The following PUDP variants were observed in gnomAD, a reference collection of about 807,000 sequenced individuals.
PUDP encodes the protein pseudouridine 5'-phosphatase.
PUDP carries 8 observed loss-of-function variants against 9.4 expected under a neutral mutation model. The ratio of observed to expected loss-of-function variants is 0.85; its 90% CI spans 0.50 to 1.53. PUDP has a LOEUF of 1.53. Ranked by LOEUF, PUDP falls within the 40% of genes most tolerant of loss-of-function variation. The probability of loss-of-function intolerance (pLI) is 0.00; values close to 1 mark genes in which losing one functional copy is unlikely to be tolerated. For synonymous variants in PUDP, 99 were observed against 80.7 expected (o/e 1.23, Z -1.22); for missense variants, 188 against 189.7 (o/e 0.99, Z 0.05).
At chrX:7,136,411 G>A (rs1932743346) in intron 1 of PUDP, among the ~76,000 whole-genome samples, 1 of 111,902 alleles carries the variant, frequency 8.9e-6, no homozygotes, top group African/African-American at 3.2e-5. Flanking sequence ...ATGGCACTGC[G>A]GGCACCTTCG....
chrX:6,822,029 G>A (rs1276302512), intron 3 of PUDP, among the ~76,000 whole-genome samples: 1 of 111,603 alleles, frequency 9.0e-6, no homozygotes, highest in East Asian at 2.8e-4. Context: ...CTATAAAACT[G>A]CCTGCATTTC....
chrX:6,880,847 C>T (rs2146739635), intron 3 of PUDP, among the ~76,000 whole-genome samples: 1 of 112,061 alleles, frequency 8.9e-6, no homozygotes, highest in East Asian at 2.8e-4. Flanking sequence ...TTTATTTATT[C>T]AATAATTTAA....
chrX:6,720,254 G>GTA (rs1403562241), intron 1 of PUDP, among the ~76,000 whole-genome samples: 1,646 of 38,971 alleles, frequency 0.042, 27 homozygotes, highest in Middle Eastern at 0.053. Flanking sequence ...ATGTGTGTGT[G>GTA]TGTGTATATA....
chrX:6,994,787 T>C (rs1050113747), intron 1 of PUDP, among the ~76,000 whole-genome samples: 2 of 111,134 alleles, frequency 1.8e-5, no homozygotes, highest in Admixed American at 1.9e-4. Flanking sequence ...TTTCACCCTA[T>C]CGAAAAAACA....
intron 2 of PUDP, among the ~76,000 whole-genome samples, chrX:7,101,939 C>A (rs1174851469): frequency 9.0e-6 from 1 of 111,508 alleles, no homozygotes; most frequent in African/African-American, 3.3e-5. Flanking sequence ...TAGAAACACA[C>A]AACCTACCCA....
At chrX:6,895,582 C>T (rs770430069) in intron 3 of PUDP, among the ~76,000 whole-genome samples, 96 of 110,330 alleles carry the variant, frequency 8.7e-4, no homozygotes, top group African/African-American at 3.0e-3. Flanking sequence ...TAAAATAAAA[C>T]TGCCTGCTAT....
At chrX:6,901,207 G>A (rs1327191588) in intron 3 of PUDP, among the ~76,000 whole-genome samples, 2 of 112,065 alleles carry the variant, frequency 1.8e-5, no homozygotes. Context: ...CATAGACACT[G>A]AACAAATGGC....
intron 3 of PUDP, among the ~76,000 whole-genome samples, chrX:6,778,898 C>T (rs1250041335): frequency 8.9e-6 from 1 of 112,214 alleles, no homozygotes; most frequent in Non-Finnish European, 1.9e-5. Flanking sequence ...ATTTGTTATG[C>T]AGACAGTGTT....
intron 1 of PUDP, among the ~76,000 whole-genome samples, chrX:7,132,144 T>C (rs773630372): frequency 4.5e-5 from 5 of 111,297 alleles, no homozygotes; most frequent in Admixed American, 9.5e-5. Flanking sequence ...TTGTATTCAT[T>C]TGACTCAGTT....
intron 1 of PUDP, among the ~76,000 whole-genome samples, chrX:6,708,640 G>T (rs962278841): frequency 8.9e-6 from 1 of 111,853 alleles, no homozygotes; most frequent in African/African-American, 3.3e-5. Context: ...AATGACCTTT[G>T]CAAATAAATA....
At chrX:6,986,922 G>C (rs1465286549) in intron 1 of PUDP, among the ~76,000 whole-genome samples, 1 of 112,201 alleles carries the variant, frequency 8.9e-6, no homozygotes, top group Non-Finnish European at 1.9e-5. Context: ...GCCAATCTCA[G>C]ACCTGTTAAG....
intron 3 of PUDP, among the ~76,000 whole-genome samples, chrX:7,067,231 G>A (rs764478395): frequency 3.7e-4 from 41 of 112,114 alleles, no homozygotes; most frequent in Non-Finnish European, 6.9e-4. Flanking sequence ...TCTAATTTGT[G>A]TTTTCCCAGA....
upstream of PUDP, among the ~76,000 whole-genome samples, chrX:6,723,790 G>C (rs1425746615): frequency 8.9e-6 from 1 of 111,830 alleles, no homozygotes; most frequent in Non-Finnish European, 1.9e-5. Flanking sequence ...TATTTCTAGG[G>C]AAGATGAAAA....
intron 3 of PUDP, among the ~76,000 whole-genome samples, chrX:6,938,745 C>T (rs745370069): frequency 1.5e-3 from 163 of 108,231 alleles, no homozygotes; most frequent in African/African-American, 5.3e-3. Context: ...TTAAGAACCA[C>T]CTGCCTAAAG....
intron 1 of PUDP, among the ~76,000 whole-genome samples, chrX:7,110,535 C>T (rs966204144): frequency 1.8e-5 from 2 of 111,425 alleles, no homozygotes; most frequent in African/African-American, 6.5e-5. Context: ...TATGGTGATA[C>T]GGTTTGGCTG....
chrX:7,081,756 G>C (rs1299494047), intron 2 of PUDP, among the ~76,000 whole-genome samples: 1 of 113,042 alleles, frequency 8.8e-6, no homozygotes, highest in African/African-American at 3.2e-5. Context: ...TTTGTCATCT[G>C]TCAAAGAGCA....
At chrX:7,061,940 G>C (rs899213682) in intron 3 of PUDP, among the ~76,000 whole-genome samples, 1 of 111,920 alleles carries the variant, frequency 8.9e-6, no homozygotes, top group Non-Finnish European at 1.9e-5. Flanking sequence ...ACTCAAGCTC[G>C]TGTTGGGACT....
intron 3 of PUDP, among the ~76,000 whole-genome samples, chrX:6,924,822 A>G (rs1928077133): frequency 8.9e-6 from 1 of 112,732 alleles, no homozygotes; most frequent in African/African-American, 3.2e-5. Context: ...GAGCTATGCA[A>G]TGTGCCTGAA....
At chrX:6,822,789 T>C (rs1926367186) in intron 3 of PUDP, among the ~76,000 whole-genome samples, 1 of 109,076 alleles carries the variant, frequency 9.2e-6, no homozygotes, top group Non-Finnish European at 1.9e-5. Flanking sequence ...CTGTACAGAT[T>C]ATTTCATCAC....
Sources: allele counts gnomAD v4.1 joint callset (sites outside exome capture counted in the v4.1 genomes callset), GRCh38; gene constraint gnomAD v4.1.1; transcripts MANE v1.5; gene names NCBI Gene and HGNC (gene_info 2026-07-23, HGNC 2026-07-21).